Variants in PRSS33 observed in about 807,000 individuals in gnomAD.
PRSS33 encodes the protein protease, serine 33.
PRSS33 carries 32 observed loss-of-function variants against 26.7 expected under a neutral mutation model. The observed-to-expected ratio is 1.20, with a 90% CI of 0.90 to 1.61. PRSS33 has a LOEUF of 1.61. PRSS33 is among the 40% of genes most tolerant of loss of function. PRSS33 has a pLI of 0.00. For missense variants in PRSS33, 450 were observed against 396.3 expected (o/e 1.14, Z -1.15); for synonymous variants, 192 against 177.6 (o/e 1.08, Z -0.64).
chr16:2,785,134 C>T lies in PRSS33; in HGVS notation c.552G>A (p.Arg184=). Residue 184 remains arginine (R), a synonymous_variant, in exon 6 of 7, where the codon AGG becomes AGA. Coordinates refer to ENST00000682474, the MANE Select transcript of PRSS33 (RefSeq NM_152891.3). ...AGGTGCGCGAGTCCAGCAGCGGCAC[C>T]CTTACTCCTTGTAGCGGTCGCCACT... The part of the protein sequence containing the change: ...LPEWRPLQGV[R]VPLLDSRTCD... The T allele has an allele frequency of 6.5e-7, 1 of 1,544,070 alleles. No individual in the cohort carries two copies. The highest frequency in any genetic ancestry group is 8.7e-7 in the Non-Finnish European group (1 of 1,147,574).
At chr16:2,786,054 G>A in intron 3 of PRSS33, 35 bp downstream of exon 3, 2 of 1,613,038 alleles carry the variant, frequency 1.2e-6, no homozygotes, top group African/African-American at 1.3e-5. Context: ...AGGTCCAGGA[G>A]GGGCTGACTC....
In PRSS33 at chr16:2,786,023, T is replaced by TG. The variant is rs777753983; in HGVS notation, c.80-63dup. 1,704 of 1,611,928 alleles carry TG rather than the reference T, an allele frequency of 1.1e-3. 11 individuals are homozygous for TG. The highest frequency in any genetic ancestry group is 4.2e-4 in the Non-Finnish European group (491 of 1,178,816). On this transcript the variant is annotated intron_variant, in intron 3 of 6. Transcript: ENST00000682474. The stretch of plus-strand genomic sequence containing the variant: ...GACCTGGGGCCTGGGAGGCAGGTGT[T>TG]GGTGGGGAGACACGGGGCCGAGGTC...
rs754338726 is a variant in PRSS33 at position 2,785,535 on chromosome 16, G to A, written c.354C>T (p.Tyr118=). ...GGTCGCCGCGGGCCCCGTCCTCGGAGTAGTCCGGGGGCAGCAGCACCCGTC... is the reference window on the plus strand; with the variant it reads ...GGTCGCCGCGGGCCCCGTCCTCGGAATAGTCCGGGGGCAGCAGCACCCGTC... The part of the protein sequence containing the change: ...PVRRVLLPPD[Y]SEDGARGDLA... The change falls in exon 5 of 7, where the codon TAC becomes TAT. Residue 118 remains tyrosine, a synonymous_variant. Transcript: ENST00000682474. 16 of 1,526,954 alleles carry A rather than the reference G, an allele frequency of 1.0e-5. No homozygotes were observed. Among genetic ancestry groups the A allele is most frequent in the South Asian group, 1.2e-5 (1 of 83,064 alleles). 94.6% of individuals were successfully genotyped at this position (1,526,954 alleles called of 1,614,324 possible).
chr16:2,785,348 C>G, intron 5 of PRSS33, 27 bp downstream of exon 5: 1 of 1,446,322 alleles, frequency 6.9e-7, no homozygotes, highest in Non-Finnish European at 9.0e-7. Context: ...CTCCCGGATG[C>G]CTCGGAGCCC....
At position 2,785,564 on chromosome 16, in the gene PRSS33, CG is replaced by C. The variant is rs2068863910; in HGVS notation, c.324del (p.Val109CysfsTer30). On this transcript the variant is annotated frameshift_variant, in exon 5 of 7. Transcript: ENST00000682474. LOFTEE classifies it high-confidence loss of function. ...GSTSPRTLSVPVRRVLLPPDY... is the reference protein window; with the variant it reads ...GSTSPRTLSVXVRRVLLPPDY... ...TCCGGGGGCAGCAGCACCCGTCGCA[CG>C]GGCACCGAGAGCGTGCGGGGCGAGG... 1 of 1,527,606 alleles carries C rather than the reference CG, an allele frequency of 6.5e-7. No individual in the cohort carries two copies. The highest frequency in any genetic ancestry group is 8.7e-7 in the Non-Finnish European group (1 of 1,144,326). 94.6% of individuals were successfully genotyped at this position (1,527,606 alleles called of 1,614,324 possible).
At position 2,786,609 on chromosome 16, in the gene PRSS33, A is replaced by T. The variant is rs918086759; in HGVS notation, c.-57-5T>A. On this transcript the variant is annotated splice_region_variant and splice_polypyrimidine_tract_variant and intron_variant, in intron 1 of 6. Transcript: ENST00000682474. ...GCCTAGGGCTTGGACTCTGGTCTGG[A>T]GCCAGCAGGGAGAAGAGAGGAGAGT... 1 of 1,594,748 alleles carries T rather than the reference A, an allele frequency of 6.3e-7. No individual in the cohort carries two copies. The highest frequency in any genetic ancestry group is 1.3e-5 in the African/African-American group (1 of 74,460).
Position 2,784,873 on chromosome 16 carries a change from C to T in PRSS33, c.685-71G>A. The T allele has an allele frequency of 4.6e-6, 7 of 1,531,356 alleles. No homozygotes were observed. The East Asian group carries it at 9.6e-5, about 21-fold the overall frequency. The allele number at this position is 1,531,356 out of a possible 1,614,324, so 94.9% of individuals were successfully genotyped here. On this transcript the variant is annotated intron_variant, in intron 6 of 6. Transcript: ENST00000682474. ...AGTTCTCAGGGTTCCAGACCCCTGG[C>T]GTGGTGCCTCTAGGTTGGAGGCCAG...
intron 1 of PRSS33, 189 bp from the exon 2 acceptor site, chr16:2,786,793 G>C: frequency 2.2e-6 from 1 of 455,734 alleles, no homozygotes; most frequent in South Asian, 3.1e-5. Context: ...CCACCACCCA[G>C]ATATTTGGGC....
chr16:2,786,474 C>G (rs2068875257), intron 2 of PRSS33, 28 bp downstream of exon 2: 1 of 1,612,790 alleles, frequency 6.2e-7, no homozygotes, highest in Non-Finnish European at 8.5e-7. Context: ...GTCTGCGGCC[C>G]TCACCCCCAG....
chr16:2,784,963 G>T, intron 6 of PRSS33, 39 bp downstream of exon 6: 1 of 1,586,584 alleles, frequency 6.3e-7, no homozygotes, highest in East Asian at 2.3e-5. Flanking sequence ...GCTGGGCACA[G>T]GGAGGGGACT....
At position 2,784,565 on chromosome 16, in the gene PRSS33, G is replaced by A; in HGVS notation, c.*79C>T. On this transcript the variant is annotated 3_prime_UTR_variant, in exon 7 of 7. Coordinates refer to ENST00000682474, the MANE Select transcript of PRSS33 (RefSeq NM_152891.3). ...TGGCCTCGAGGCAGAAGGGATGTGG[G>A]GTATAGGCAGGTGCCTGGATGAACC... is the stretch of plus-strand genomic sequence containing the variant. 1 of 1,398,512 alleles carries A rather than the reference G, an allele frequency of 7.2e-7. No individual in the cohort carries two copies. The highest frequency in any genetic ancestry group is 9.6e-7 in the Non-Finnish European group (1 of 1,037,846). 86.6% of individuals were successfully genotyped at this position (1,398,512 alleles called of 1,614,324 possible).
chr16:2,785,601 A>G lies in PRSS33; in HGVS notation c.288T>C (p.Arg96=), dbSNP rs1175693507. Residue 96 remains arginine, a synonymous_variant, in exon 5 of 7, where the codon CGT becomes CGC. Coordinates refer to ENST00000682474, the MANE Select transcript of PRSS33 (RefSeq NM_152891.3). ...GCGTGCGGGGCGAGGTGGAGCCCAG[A>G]CGCAGCGCCCCCAGGCGCACGCGGT... ...AEYRVRLGAL[R]LGSTSPRTLS... is the part of the protein sequence containing the mutation. 1.3e-6 allele frequency: 2 copies of G among 1,514,346 alleles called. No homozygotes were observed. The highest frequency in any genetic ancestry group is 1.8e-6 in the Non-Finnish European group (2 of 1,138,580). 93.8% of individuals were successfully genotyped at this position (1,514,346 alleles called of 1,614,324 possible). A position where few individuals can be genotyped will look rare whatever the true frequency, so the allele number is the denominator to read the frequency against.
At chr16:2,786,004 G>C in intron 3 of PRSS33, 43 bp from the exon 4 acceptor site, 3 of 1,613,034 alleles carry the variant, frequency 1.9e-6, no homozygotes, top group Non-Finnish European at 1.7e-6. Flanking sequence ...TGAGGACCTG[G>C]GGCCTGGGAG....
At chr16:2,786,709 G>C (rs2068878113) in intron 1 of PRSS33, 105 bp from the exon 2 acceptor site, 4 of 754,028 alleles carry the variant, frequency 5.3e-6, no homozygotes, top group Non-Finnish European at 6.5e-6. Context: ...CTCAGCTCCT[G>C]GTGGGTTCTG....
Position 2,784,407 on chromosome 16 carries a change from T to G in PRSS33, c.*237A>C. The G allele has an allele frequency of 1.9e-5, 7 of 366,636 alleles. No homozygotes were observed. Among genetic ancestry groups the G allele is most frequent in the East Asian group, 4.8e-5 (1 of 20,782 alleles). The allele number at this position is 366,636 out of a possible 1,614,324, so 22.7% of individuals were successfully genotyped here. On this transcript the variant is annotated 3_prime_UTR_variant, in exon 7 of 7. Coordinates refer to ENST00000682474, the MANE Select transcript of PRSS33 (RefSeq NM_152891.3). ...TACAAGCCAGGAAGGGAGTGGGGAG[T>G]GTGACTCCCTGGGACTCATGGCAGA...
chr16:2,787,584 C>T (rs1162993539), upstream of PRSS33, among the ~76,000 whole-genome samples: 1 of 148,160 alleles, frequency 6.7e-6, no homozygotes, highest in Non-Finnish European at 1.5e-5. Context: ...GGCCTGGGGG[C>T]TTAAAGTGCC....
Position 2,785,039 on chromosome 16 carries a change from C to A in PRSS33, c.647G>T (p.Cys216Phe). The A allele has an allele frequency of 4.4e-6, 7 of 1,589,574 alleles. No individual in the cohort carries two copies. Among genetic ancestry groups the A allele is most frequent in the Non-Finnish European group, 6.0e-6 (7 of 1,170,550 alleles). Residue 216 changes from cysteine to phenylalanine, a missense_variant, in exon 6 of 7, where the codon TGT (cysteine) becomes TTT (phenylalanine). Physicochemically the swap from Cys to Phe is radical, Grantham distance 205. Transcript: ENST00000682474. ...AERIVLPGSL[C>F]AGYPQGHKDA... ...CTTGTGGCCCTGGGGGTAGCCGGCA[C>A]ACAGACTCCCAGGCAGCACAATGCG... is the stretch of plus-strand genomic sequence containing the variant.
intron 1 of PRSS33, among the ~76,000 whole-genome samples, chr16:2,787,079 A>C (rs1406474018): frequency 1.9e-4 from 2 of 10,678 alleles, no homozygotes; most frequent in Non-Finnish European, 3.3e-4. Context: ...GCTCCTCCTC[A>C]CTCCCCTCCC....
Position 2,785,782 on chromosome 16 carries a change from C to T in PRSS33, c.242+17G>A. ...CCTTCCTTGCACACCCCGCCTGGGC[C>T]CTCGGTGAGCGCTGACCTGGGGAAG... On this transcript the variant is annotated intron_variant, in intron 4 of 6. Coordinates refer to ENST00000682474, the MANE Select transcript of PRSS33 (RefSeq NM_152891.3). The T allele has an allele frequency of 6.4e-7, 1 of 1,574,202 alleles. No homozygotes were observed. Among genetic ancestry groups the T allele is most frequent in the Non-Finnish European group, 8.6e-7 (1 of 1,166,844 alleles).
Sources: gnomAD v4.1 joint callset for allele counts (sites outside exome capture counted in the v4.1 genomes callset) on GRCh38, gnomAD v4.1.1 for gene constraint, MANE v1.5 for transcripts, NCBI Gene and HGNC (gene_info 2026-07-23, HGNC 2026-07-21) for gene names.